Variants in IGSF21 observed in about 807,000 individuals in gnomAD.
The protein encoded by IGSF21 is immunoglobulin superfamily member 21.
In IGSF21, 28 loss-of-function variants were observed where a neutral mutation model predicts 46.8. The observed-to-expected ratio is 0.60, with a 90% CI of 0.44 to 0.82. The LOEUF is 0.82. IGSF21 is among the 40% of genes least tolerant of loss of function. The pLI is 0.00. For synonymous variants in IGSF21, 284 were observed against 273.6 expected (o/e 1.04, Z -0.38); for missense variants, 624 against 665.5 (o/e 0.94, Z 0.69).
rs2086106882 is a variant in IGSF21 at position 18,107,997 on chromosome 1, G to T, written c.-132G>T. 3 of 295,470 alleles carry T rather than the reference G, an allele frequency of 1.0e-5. No homozygotes were observed. In the East Asian group the frequency reaches 2.2e-4, roughly 21 times the overall value. 18.3% of individuals were successfully genotyped at this position (295,470 alleles called of 1,614,324 possible). ...GCGGCGGCATGGGGGCGCCCCCGCGGCTCTCCGCGCTGCCCGCCACCGCCT... is the reference window on the plus strand; with the variant it reads ...GCGGCGGCATGGGGGCGCCCCCGCGTCTCTCCGCGCTGCCCGCCACCGCCT... On this transcript the variant is annotated 5_prime_UTR_variant, in exon 1 of 10. Transcript: ENST00000251296.
At chr1:18,224,831 C>A (rs2356000) in intron 1 of IGSF21, among the ~76,000 whole-genome samples, 15,466 of 151,854 alleles carry the variant, frequency 0.1, 964 homozygotes, top group East Asian at 0.14. Flanking sequence ...TTGGGAGGCC[C>A]AGGCGGGTGG....
chr1:18,177,392 G>GGTGTGTGTGTGTGT (rs3041401), intron 1 of IGSF21, among the ~76,000 whole-genome samples: 1 of 125,018 alleles, frequency 8.0e-6, no homozygotes. Context: ...GGGTCAGTGA[G>GGTGTGTGTGTGTGT]GTGTGTGTGT....
intron 4 of IGSF21, among the ~76,000 whole-genome samples, chr1:18,340,270 G>A (rs1028308114): frequency 2.0e-5 from 3 of 152,128 alleles, no homozygotes; most frequent in Admixed American, 2.0e-4. Flanking sequence ...TGCAATAGGG[G>A]AGGCAGAAGA....
At chr1:18,166,499 C>T (rs151116352) in intron 1 of IGSF21, among the ~76,000 whole-genome samples, 3 of 152,236 alleles carry the variant, frequency 2.0e-5, no homozygotes, top group African/African-American at 7.2e-5. Context: ...CTATAAACGA[C>T]GCTAATAATA....
chr1:18,199,899 C>A (rs12095725), intron 1 of IGSF21, among the ~76,000 whole-genome samples: 8,676 of 147,054 alleles, frequency 0.059, 717 homozygotes, highest in African/African-American at 0.19. Flanking sequence ...CCGGCCCCCC[C>A]CTACCCCCGT....
intron 2 of IGSF21, among the ~76,000 whole-genome samples, chr1:18,291,337 G>T (rs972691671): frequency 2.6e-5 from 4 of 152,212 alleles, no homozygotes; most frequent in Admixed American, 6.5e-5. Flanking sequence ...TGCATCGCCC[G>T]TGCCGGGATG....
intron 1 of IGSF21, among the ~76,000 whole-genome samples, chr1:18,214,135 T>C (rs2084419453): frequency 6.6e-6 from 1 of 152,192 alleles, no homozygotes; most frequent in Non-Finnish European, 1.5e-5. Context: ...AAATAATACA[T>C]ACATCATGAA....
intron 1 of IGSF21, among the ~76,000 whole-genome samples, chr1:18,132,173 ATGG>A (rs2086327465): frequency 2.5e-3 from 1 of 394 alleles, no homozygotes; most frequent in Non-Finnish European, 9.6e-3. Flanking sequence ...GGATGAATGG[ATGG>A]ATGGATGGAT....
intron 4 of IGSF21, among the ~76,000 whole-genome samples, chr1:18,340,493 G>A (rs1344285433): frequency 1.3e-5 from 2 of 152,200 alleles, no homozygotes; most frequent in Admixed American, 6.5e-5. Context: ...ACAATTCTAG[G>A]TGCTGTGGAT....
At chr1:18,216,236 G>A (rs1035970008) in intron 1 of IGSF21, among the ~76,000 whole-genome samples, 5 of 152,228 alleles carry the variant, frequency 3.3e-5, no homozygotes, top group Admixed American at 2.6e-4. Context: ...ACAGCACAGG[G>A]AAAAATAATT....
intron 1 of IGSF21, among the ~76,000 whole-genome samples, chr1:18,156,082 C>A (rs763003528): frequency 6.6e-6 from 1 of 152,306 alleles, no homozygotes; most frequent in South Asian, 2.1e-4. Context: ...ACCTCTCACA[C>A]GCGACAGGCT....
At chr1:18,215,186 G>A (rs2883733) in intron 1 of IGSF21, among the ~76,000 whole-genome samples, 73,541 of 152,076 alleles carry the variant, frequency 0.48, 18,277 homozygotes, top group Non-Finnish European at 0.54. Flanking sequence ...TGAGATTTGG[G>A]TGGGGACACA....
intron 2 of IGSF21, among the ~76,000 whole-genome samples, chr1:18,248,853 A>G (rs12089342): frequency 0.076 from 11,568 of 152,138 alleles, 1,431 homozygotes; most frequent in African/African-American, 0.26. Context: ...GATGCAGAGC[A>G]GGTAGGCCTG....
intron 1 of IGSF21, among the ~76,000 whole-genome samples, chr1:18,191,911 TG>T (rs1173050906): frequency 6.6e-6 from 1 of 152,136 alleles, no homozygotes; most frequent in Non-Finnish European, 1.5e-5. Context: ...CAGATCTTTG[TG>T]GAAGGCGCTG....
chr1:18,331,529 G>C (rs868576938), intron 3 of IGSF21, among the ~76,000 whole-genome samples: 1 of 152,188 alleles, frequency 6.6e-6, no homozygotes, highest in Non-Finnish European at 1.5e-5. Flanking sequence ...ATTTGAGCTG[G>C]TTCCGTATTT....
chr1:18,235,136 G>A (rs1216009168), intron 2 of IGSF21, among the ~76,000 whole-genome samples: 1 of 152,216 alleles, frequency 6.6e-6, no homozygotes, highest in Non-Finnish European at 1.5e-5. Flanking sequence ...GAATTTCCAG[G>A]ACTGGAGCCT....
chr1:18,115,860 A>AGAAG (rs2086184172), intron 1 of IGSF21: 1 of 110,068 alleles, frequency 9.1e-6, no homozygotes, highest in Non-Finnish European at 1.9e-5. Flanking sequence ...AAAGAAAGAA[A>AGAAG]GAAAGAAAGA....
intron 1 of IGSF21, among the ~76,000 whole-genome samples, chr1:18,124,793 T>G (rs928391667): frequency 2.0e-5 from 3 of 152,200 alleles, no homozygotes. Flanking sequence ...CTCTTTAAAA[T>G]TTAAAGGGCT....
chr1:18,279,872 G>A (rs961365510), intron 2 of IGSF21, among the ~76,000 whole-genome samples: 13 of 152,228 alleles, frequency 8.5e-5, no homozygotes, highest in Non-Finnish European at 1.3e-4. Flanking sequence ...GATCTGCCAC[G>A]GGTCTGCCGG....
Sources: allele counts gnomAD v4.1 joint callset (sites outside exome capture counted in the v4.1 genomes callset), GRCh38; gene constraint gnomAD v4.1.1; transcripts MANE v1.5; gene names NCBI Gene and HGNC (gene_info 2026-07-23, HGNC 2026-07-21).